The following SPEF2 variants were observed in gnomAD, a reference collection of about 807,000 sequenced individuals.
SPEF2 encodes sperm flagellar and cilia associated 2, also known as sperm flagella and cilia-associated protein 2.
A neutral mutation model predicts 224.6 loss-of-function variants in SPEF2; 187 were observed. The ratio of observed to expected loss-of-function variants is 0.83; its 90% confidence interval spans 0.74 to 0.94. The LOEUF is 0.94. Among genes scored for constraint, SPEF2 ranks in the 40% least tolerant of loss-of-function variants. SPEF2 has a pLI of 0.00. For missense variants in SPEF2, 2,170 were observed against 2,135.6 expected (o/e 1.02, Z -0.32); for synonymous variants, 715 against 707.3 (o/e 1.01, Z -0.17).
chr5:35,682,854 G>A (rs986551397), intron 10 of SPEF2, among the ~76,000 whole-genome samples: 4 of 152,168 alleles, frequency 2.6e-5, no homozygotes, highest in African/African-American at 9.7e-5. Flanking sequence ...GCAAGAATGA[G>A]AATGAGATGC....
At chr5:35,760,607 G>A (rs1751142332) in intron 25 of SPEF2, among the ~76,000 whole-genome samples, 1 of 152,246 alleles carries the variant, frequency 6.6e-6, no homozygotes, top group East Asian at 1.9e-4. Flanking sequence ...AAACTTGGTG[G>A]TAGGATAGAA....
intron 28 of SPEF2, among the ~76,000 whole-genome samples, chr5:35,775,909 C>T (rs2149792467): frequency 6.6e-6 from 1 of 152,146 alleles, no homozygotes; most frequent in African/African-American, 2.4e-5. Context: ...GCAATGCCAC[C>T]CCAGGTTCTA....
chr5:35,694,313 G>A lies in SPEF2; in HGVS notation c.1925G>A (p.Gly642Asp). 1 of 1,613,442 alleles carries A rather than the reference G, an allele frequency of 6.2e-7. No individual in the cohort carries two copies. The highest frequency in any genetic ancestry group is 1.1e-5 in the South Asian group (1 of 90,982). ...SQDPQHVFSAGPVSDEVLPET... is the reference protein window; with the variant it reads ...SQDPQHVFSADPVSDEVLPET... ...GATCCACAACATGTATTTTCAGCTG[G>A]TCCAGTTTCAGATGAAGTATTACCA... Residue 642 changes from glycine (G) to aspartate (D), a missense_variant, in exon 13 of 37, where the codon GGT becomes GAT. Coordinates refer to ENST00000356031, the MANE Select transcript of SPEF2 (RefSeq NM_024867.4).
chr5:35,654,099 A>G (rs962876125), intron 6 of SPEF2, among the ~76,000 whole-genome samples: 5 of 151,674 alleles, frequency 3.3e-5, no homozygotes, highest in Non-Finnish European at 4.4e-5. Context: ...TGTCTCTACT[A>G]AAAATACAAA....
intron 19 of SPEF2, 141 bp downstream of exon 19, chr5:35,709,262 G>T: frequency 6.8e-7 from 1 of 1,470,284 alleles, no homozygotes; most frequent in Non-Finnish European, 8.9e-7. Flanking sequence ...AGATGGAAGT[G>T]GAAAAGCCCT....
chr5:35,664,837 G>GGAGA (rs902131916), intron 8 of SPEF2, among the ~76,000 whole-genome samples: 1 of 1,248 alleles, frequency 8.0e-4, no homozygotes, highest in East Asian at 2.1e-3. Flanking sequence ...GAAGGAAGGA[G>GGAGA]GAGAGAGAGA....
chr5:35,679,343 A>G (rs1487829936), intron 10 of SPEF2, among the ~76,000 whole-genome samples: 1 of 152,272 alleles, frequency 6.6e-6, no homozygotes, highest in South Asian at 2.1e-4. Context: ...CAGAGGCGGG[A>G]TCAAGCCAAG....
chr5:35,806,563 T>G, intron 34 of SPEF2, 144 bp from the exon 35 acceptor site: 3 of 982,870 alleles, frequency 3.1e-6, no homozygotes, highest in Non-Finnish European at 1.5e-6. Flanking sequence ...GCTAGTGTAT[T>G]CTCCTCTAGA....
intron 9 of SPEF2, 22 bp downstream of exon 9, chr5:35,667,281 A>G (rs777546929): frequency 6.4e-7 from 1 of 1,558,424 alleles, no homozygotes; most frequent in South Asian, 1.2e-5. Context: ...TTTTGTAATA[A>G]CAGTAGAGAC....
At chr5:35,661,431 T>C (rs1476242779) in intron 8 of SPEF2, among the ~76,000 whole-genome samples, 1 of 150,358 alleles carries the variant, frequency 6.7e-6, no homozygotes, top group African/African-American at 2.4e-5. Context: ...TATATATTTG[T>C]TTAACTTTTA....
Position 35,618,072 on chromosome 5 carries a change from A to AG in SPEF2, c.58+21dup. On this transcript the variant is annotated intron_variant, in intron 1 of 36. Coordinates refer to ENST00000356031, the MANE Select transcript of SPEF2 (RefSeq NM_024867.4). ...GGACCGTGAGTGAGTGACCACGGCC[A>AG]GGGGCGAGCGTCTGAGGGGCTAGCG... 1 of 1,575,178 alleles carries AG rather than the reference A, an allele frequency of 6.3e-7. No homozygotes were observed. Among genetic ancestry groups the AG allele is most frequent in the East Asian group, 2.3e-5 (1 of 42,658 alleles).
intron 15 of SPEF2, 132 bp from the exon 16 acceptor site, chr5:35,700,364 A>T: frequency 1.3e-6 from 1 of 797,608 alleles, no homozygotes; most frequent in Non-Finnish European, 2.0e-6. Context: ...CTAATCTTTT[A>T]GCTATGAAGT....
chr5:35,661,934 A>G (rs891424162), intron 8 of SPEF2, among the ~76,000 whole-genome samples: 1 of 152,180 alleles, frequency 6.6e-6, no homozygotes, highest in Non-Finnish European at 1.5e-5. Context: ...TCCTTTGGGT[A>G]TAAACCCAGT....
intron 36 of SPEF2, 110 bp from the exon 37 acceptor site, chr5:35,814,354 C>A: frequency 2.0e-6 from 1 of 502,016 alleles, no homozygotes; most frequent in Non-Finnish European, 3.3e-6. Flanking sequence ...GAAATAAAAA[C>A]TGTTTAATGG....
intron 23 of SPEF2, among the ~76,000 whole-genome samples, chr5:35,748,915 A>G (rs1206693734): frequency 1.3e-5 from 2 of 152,188 alleles, no homozygotes; most frequent in Admixed American, 6.5e-5. Flanking sequence ...CTTGATAAAC[A>G]CAGATGCTAA....
intron 30 of SPEF2, chr5:35,790,277 TATC>T: frequency 1.6e-6 from 1 of 619,778 alleles, no homozygotes; most frequent in Non-Finnish European, 2.9e-6. Context: ...CTAGGAAAGC[TATC>T]CATTTATGGA....
At chr5:35,708,480 A>G (rs1740264345) in intron 18 of SPEF2, among the ~76,000 whole-genome samples, 3 of 121,416 alleles carry the variant, frequency 2.5e-5, no homozygotes, top group African/African-American at 9.7e-5. Flanking sequence ...CTAACCCCTT[A>G]TACCTGCTCC....
In SPEF2 at chr5:35,771,706, A is replaced by T. The variant is rs940220586; in HGVS notation, c.3899A>T (p.Lys1300Ile). Residue 1300 changes from lysine (K) to isoleucine (I), a missense_variant, in exon 27 of 37, where the codon AAA becomes ATA. Lys to Ile is a moderately radical substitution (Grantham distance 102). Coordinates refer to ENST00000356031, the MANE Select transcript of SPEF2 (RefSeq NM_024867.4). ...EKSPQMGANK[K>I]VKKEPPKKKQ... The stretch of plus-strand genomic sequence containing the variant: ...TCTCCTCAGATGGGTGCAAATAAAA[A>T]AGTCAAAAAGGAGCCACCCAAGAAA... 6.2e-7 allele frequency: 1 copy of T among 1,602,374 alleles called. No homozygotes were observed. Among genetic ancestry groups the T allele is most frequent in the South Asian group, 1.1e-5 (1 of 87,670 alleles).
At chr5:35,728,175 C>T (rs773770608) in intron 21 of SPEF2, among the ~76,000 whole-genome samples, 5 of 152,166 alleles carry the variant, frequency 3.3e-5, no homozygotes, top group African/African-American at 4.8e-5. Flanking sequence ...ATTTTAATAT[C>T]CCCATCACAA....
Sources: gnomAD v4.1 joint callset for allele counts (sites outside exome capture counted in the v4.1 genomes callset) on GRCh38, gnomAD v4.1.1 for gene constraint, MANE v1.5 for transcripts, NCBI Gene and HGNC (gene_info 2026-07-23, HGNC 2026-07-21) for gene names.